PPDPFL: variants seen among roughly 807,000 people sequenced by gnomAD.
PPDPFL encodes the protein pancreatic progenitor cell differentiation and proliferation factor-like protein.
Under a neutral mutation model 12.6 loss-of-function variants are expected in PPDPFL, and 12 were observed. The observed-to-expected ratio is 0.95, with a 90% CI of 0.61 to 1.54. PPDPFL has a LOEUF of 1.54. Ranked by LOEUF, PPDPFL falls within the 40% of genes most tolerant of loss-of-function variation. The pLI is 0.00. For missense variants in PPDPFL, 114 were observed against 96.0 expected (o/e 1.19, Z -0.78); for synonymous variants, 24 against 32.7 (o/e 0.73, Z 0.91).
chr8:49,069,224 G>C (rs992656206), upstream of PPDPFL, among the ~76,000 whole-genome samples: 2 of 152,158 alleles, frequency 1.3e-5, no homozygotes, highest in East Asian at 3.9e-4. Context: ...AATATAATTA[G>C]ATGATATACA....
At position 49,063,353 on chromosome 8, in the gene PPDPFL, C is replaced by G. The variant is rs574695835; in HGVS notation, c.-45+8984C>G. On this transcript the variant is annotated intron_variant, in intron 1 of 4. Transcript: ENST00000517663. Reference sequence around the variant, plus strand: ...CCCTGTCCTTCCACCTGCCCCATGTCATAGCCAAGATAGTAAATGTTTTAA... The same window carrying G: ...CCCTGTCCTTCCACCTGCCCCATGTGATAGCCAAGATAGTAAATGTTTTAA... 4.1e-4 allele frequency among the ~76,000 whole-genome samples: 62 copies of G among 152,286 alleles called. No homozygotes were observed. In the South Asian group the frequency reaches 0.013, roughly 32 times the overall value.
intron 1 of PPDPFL, among the ~76,000 whole-genome samples, chr8:49,062,270 G>A (rs1482916586): frequency 6.6e-6 from 1 of 152,192 alleles, no homozygotes; most frequent in African/African-American, 2.4e-5. Flanking sequence ...CCACCATATA[G>A]CATCTAACAC....
chr8:49,056,590 A>T (rs1808115827), intron 1 of PPDPFL, among the ~76,000 whole-genome samples: 1 of 152,212 alleles, frequency 6.6e-6, no homozygotes, highest in Non-Finnish European at 1.5e-5. Flanking sequence ...CTTTGAATGA[A>T]TCAATGGATT....
At chr8:49,069,991 C>A (rs909544822), upstream of PPDPFL, among the ~76,000 whole-genome samples, 2 of 152,168 alleles carry the variant, frequency 1.3e-5, no homozygotes, top group Non-Finnish European at 2.9e-5. Flanking sequence ...TGGAATTAAC[C>A]TAGATGCCCA....
chr8:49,064,649 C>T (rs1227750879), intron 1 of PPDPFL, among the ~76,000 whole-genome samples: 1 of 152,036 alleles, frequency 6.6e-6, no homozygotes, highest in Admixed American at 6.6e-5. Flanking sequence ...TCAGCATTTT[C>T]CCAAGAAAAG....
At chr8:49,063,360 A>G (rs1808243843) in intron 1 of PPDPFL, among the ~76,000 whole-genome samples, 1 of 152,178 alleles carries the variant, frequency 6.6e-6, no homozygotes, top group Non-Finnish European at 1.5e-5. Flanking sequence ...TGTCATAGCC[A>G]AGATAGTAAA....
At chr8:49,074,190 C>G in intron 3 of PPDPFL, 44 bp from the exon 4 acceptor site, 2 of 1,602,858 alleles carry the variant, frequency 1.2e-6, no homozygotes, top group Non-Finnish European at 1.7e-6. Flanking sequence ...TATTTTCAAT[C>G]TCAAATTTGT....
At chr8:49,056,518 T>A (rs1808114574) in intron 1 of PPDPFL, among the ~76,000 whole-genome samples, 1 of 152,184 alleles carries the variant, frequency 6.6e-6, no homozygotes, top group Non-Finnish European at 1.5e-5. Flanking sequence ...AACTTTGTCT[T>A]GTTAACCTTC....
chr8:49,068,207 T>C (rs749559525), upstream of PPDPFL, among the ~76,000 whole-genome samples: 7 of 152,212 alleles, frequency 4.6e-5, no homozygotes, highest in Non-Finnish European at 8.8e-5. Flanking sequence ...GGTACCTCCA[T>C]CTTTGACCTG....
chr8:49,058,293 A>G (rs888573965), intron 1 of PPDPFL, among the ~76,000 whole-genome samples: 1 of 152,210 alleles, frequency 6.6e-6, no homozygotes. Context: ...AAATGGTACA[A>G]TATGCACCAT....
In PPDPFL at chr8:49,074,877, G is replaced by C. The variant is rs1808464011; in HGVS notation, c.234-275G>C. ...TGGATTTTAGACATTTGAATGCCTA[G>C]TAACTAAATGGAATAGAAAGAATCT... On this transcript the variant is annotated intron_variant, in intron 4 of 4. Coordinates refer to ENST00000522267, the MANE Select transcript of PPDPFL (RefSeq NM_001256597.2). 5 of 1,383,978 alleles carry C rather than the reference G, an allele frequency of 3.6e-6. No homozygotes were observed. The Admixed American group carries it at 9.1e-5, about 25-fold the overall frequency. The allele number at this position is 1,383,978 out of a possible 1,614,324, so 85.7% of individuals were successfully genotyped here.
chr8:49,072,834 G>C lies in PPDPFL; in HGVS notation c.4G>C (p.Ala2Pro). 1.2e-6 allele frequency: 2 copies of C among 1,602,544 alleles called. No individual in the cohort carries two copies. The highest frequency in any genetic ancestry group is 4.5e-5 in the East Asian group (2 of 44,304). The change falls in exon 2 of 5, where the codon GCA becomes CCA. Residue 2 changes from alanine (A) to proline (P), a missense_variant. Physicochemically the swap from Ala to Pro is conservative, Grantham distance 27. Transcript: ENST00000522267. ...GTGCTTTCTCACGGGTAAAGCCATGGCATCCGTACCTTCCATTGGTTGCCT... is the reference window on the plus strand; with the variant it reads ...GTGCTTTCTCACGGGTAAAGCCATGCCATCCGTACCTTCCATTGGTTGCCT... Reference protein sequence around the residue: MASVPSIGCLLA... With the variant: MPSVPSIGCLLA...
chr8:49,068,994 A>G (rs1425888987), upstream of PPDPFL, among the ~76,000 whole-genome samples: 1 of 152,232 alleles, frequency 6.6e-6, no homozygotes, highest in Non-Finnish European at 1.5e-5. Context: ...CAGAGAGAAC[A>G]GCAAGTTGAA....
chr8:49,070,003 C>T (rs1416304291), upstream of PPDPFL, among the ~76,000 whole-genome samples: 1 of 152,164 alleles, frequency 6.6e-6, no homozygotes, highest in African/African-American at 2.4e-5. Context: ...AGATGCCCAT[C>T]AGTGGTAGAC....
chr8:49,066,276 T>C (rs1435158707), intron 1 of PPDPFL, among the ~76,000 whole-genome samples: 1 of 152,172 alleles, frequency 6.6e-6, no homozygotes, highest in Non-Finnish European at 1.5e-5. Context: ...TTTCTCCATA[T>C]CCATGAAGCT....
Position 49,066,367 on chromosome 8 carries a change from C to T in PPDPFL, c.-44-6420C>T, listed in dbSNP as rs541792808. Among the ~76,000 whole-genome samples, 21 of 152,300 alleles carry T rather than the reference C, an allele frequency of 1.4e-4. 1 individual carries two copies. The highest frequency in any genetic ancestry group is 4.8e-4 in the African/African-American group (20 of 41,570). On this transcript the variant is annotated intron_variant, in intron 1 of 4. Coordinates refer to the PPDPFL transcript ENST00000517663. ...GTGTTGGTGGCTTCATCATAGTTGACAGCAGGACCCTTGCCATTTTCTGCC... is the reference window on the plus strand; with the variant it reads ...GTGTTGGTGGCTTCATCATAGTTGATAGCAGGACCCTTGCCATTTTCTGCC...
At chr8:49,073,597 T>C (rs996829685) in intron 2 of PPDPFL, among the ~76,000 whole-genome samples, 36 of 152,216 alleles carry the variant, frequency 2.4e-4, no homozygotes, top group African/African-American at 8.7e-4. Flanking sequence ...ATTCTGATCT[T>C]ATAAGAGACA....
chr8:49,063,372 G>T (rs761875811), intron 1 of PPDPFL, among the ~76,000 whole-genome samples: 2 of 152,142 alleles, frequency 1.3e-5, no homozygotes, highest in Non-Finnish European at 2.9e-5. Flanking sequence ...GATAGTAAAT[G>T]TTTTAAAAAT....
intron 4 of PPDPFL, chr8:49,074,731 G>A: frequency 1.4e-6 from 2 of 1,452,482 alleles, no homozygotes; most frequent in Non-Finnish European, 9.0e-7. Context: ...ATTAGCTTCT[G>A]TGTGGTGCAA....
Sources: allele counts gnomAD v4.1 joint callset (sites outside exome capture counted in the v4.1 genomes callset), GRCh38; gene constraint gnomAD v4.1.1; transcripts MANE v1.5; gene names NCBI Gene and HGNC (gene_info 2026-07-23, HGNC 2026-07-21).